Variants in MAPK4 observed in about 807,000 individuals in gnomAD.
MAPK4 encodes the protein mitogen-activated protein kinase 4, also known as Erk3-related.
MAPK4 carries 22 observed loss-of-function variants against 47.7 expected under a neutral mutation model. The ratio of observed to expected loss-of-function variants is 0.46; its 90% CI spans 0.33 to 0.66. MAPK4 has a LOEUF of 0.66. MAPK4 is among the 30% of genes least tolerant of loss of function. The pLI is 0.02. For missense variants in MAPK4, 736 were observed against 831.7 expected (o/e 0.88, Z 1.42); for synonymous variants, 390 against 365.7 (o/e 1.07, Z -0.76).
chr18:50,574,670 ACT>A (rs2042279428), intron 1 of MAPK4, among the ~76,000 whole-genome samples: 1 of 152,296 alleles, frequency 6.6e-6, no homozygotes, highest in South Asian at 2.1e-4. Flanking sequence ...GAGTTTTAAA[ACT>A]CTCAAAAAGA....
intron 2 of MAPK4, among the ~76,000 whole-genome samples, chr18:50,691,409 G>GTGAA (rs558279846): frequency 2.4e-4 from 37 of 151,298 alleles, no homozygotes; most frequent in Admixed American, 4.6e-4. Flanking sequence ...CCAAAGAGGT[G>GTGAA]GGAACAAGAG....
chr18:50,692,436 T>A (rs911072412), intron 2 of MAPK4, among the ~76,000 whole-genome samples: 5 of 152,154 alleles, frequency 3.3e-5, no homozygotes, highest in African/African-American at 4.8e-5. Flanking sequence ...GGGGAAATAA[T>A]GCTGGACAGT....
intron 2 of MAPK4, chr18:50,704,756 T>C: frequency 2.5e-6 from 1 of 398,600 alleles, no homozygotes; most frequent in Non-Finnish European, 4.4e-6. Context: ...GTTGTGTCGT[T>C]ACCCTCCCTG....
chr18:50,681,534 C>T (rs1024632950), intron 2 of MAPK4, among the ~76,000 whole-genome samples: 44 of 152,234 alleles, frequency 2.9e-4, no homozygotes, highest in African/African-American at 8.7e-4. Context: ...ATGATTTCTT[C>T]AATTTTTGTA....
chr18:50,590,474 C>A (rs747053618), intron 1 of MAPK4, among the ~76,000 whole-genome samples: 5 of 152,198 alleles, frequency 3.3e-5, no homozygotes, highest in Admixed American at 6.5e-5. Context: ...ACTTCCATGA[C>A]TGGAAGCACT....
chr18:50,693,850 C>G (rs1598919724), intron 2 of MAPK4, among the ~76,000 whole-genome samples: 1 of 151,998 alleles, frequency 6.6e-6, no homozygotes, highest in East Asian at 1.9e-4. Flanking sequence ...AGTGGTAGAT[C>G]TGGGCTTGAC....
chr18:50,616,057 G>T lies in MAPK4; in HGVS notation c.-870-47032G>T, dbSNP rs1271216608. Among the ~76,000 whole-genome samples the T allele has an allele frequency of 2.0e-5, 3 of 152,230 alleles. No individual in the cohort carries two copies. In the East Asian group the frequency reaches 5.8e-4, roughly 29 times the overall value. On this transcript the variant is annotated intron_variant, in intron 1 of 5. Transcript: ENST00000400384. ...TTCCAGGGGACCTTAGGATTCCTCA[G>T]TGTCACTTCAGGTGTCGGGGACTGG...
intron 1 of MAPK4, among the ~76,000 whole-genome samples, chr18:50,630,546 G>A (rs754739999): frequency 7.2e-5 from 11 of 152,236 alleles, no homozygotes; most frequent in Middle Eastern, 6.8e-3. Context: ...GGGCATCCAG[G>A]AGTACCCAGG....
chr18:50,625,077 G>T (rs1396637628), intron 1 of MAPK4, among the ~76,000 whole-genome samples: 1 of 152,210 alleles, frequency 6.6e-6, no homozygotes, highest in Non-Finnish European at 1.5e-5. Flanking sequence ...AGACATCCTT[G>T]ATGACTGGCA....
At chr18:50,693,165 A>G (rs1352182158) in intron 2 of MAPK4, among the ~76,000 whole-genome samples, 1 of 152,158 alleles carries the variant, frequency 6.6e-6, no homozygotes, top group East Asian at 1.9e-4. Context: ...AGGCTGAGGC[A>G]AGAGAATCAC....
chr18:50,632,233 C>T (rs991145331), intron 1 of MAPK4, among the ~76,000 whole-genome samples: 4 of 152,190 alleles, frequency 2.6e-5, no homozygotes, highest in Non-Finnish European at 4.4e-5. Flanking sequence ...CCACGTATTT[C>T]TCTCCAAATT....
In MAPK4 at chr18:50,674,850, G is replaced by A. The variant is rs1041096778; in HGVS notation, c.546+10346G>A. On this transcript the variant is annotated intron_variant, in intron 2 of 5. Coordinates refer to ENST00000400384, the MANE Select transcript of MAPK4 (RefSeq NM_002747.4). ...GCATAGTATCTGATCCATTGTATGA[G>A]TTCATTCAATGCTAATTGGCTAATG... 2.0e-5 allele frequency among the ~76,000 whole-genome samples: 3 copies of A among 152,146 alleles called. No individual in the cohort carries two copies. In the South Asian group the frequency reaches 6.2e-4, roughly 32 times the overall value.
intron 2 of MAPK4, among the ~76,000 whole-genome samples, chr18:50,712,032 C>T (rs1443391095): frequency 6.6e-6 from 1 of 152,110 alleles, no homozygotes; most frequent in Non-Finnish European, 1.5e-5. Flanking sequence ...CCATATATTC[C>T]CATCTCCCCT....
chr18:50,684,934 G>A (rs1251270024), intron 2 of MAPK4, among the ~76,000 whole-genome samples: 1 of 152,152 alleles, frequency 6.6e-6, no homozygotes, highest in Non-Finnish European at 1.5e-5. Context: ...GGTGGCACCG[G>A]GCCCCATCTT....
At chr18:50,702,136 TG>T (rs1166410758) in intron 2 of MAPK4, among the ~76,000 whole-genome samples, 1 of 115,704 alleles carries the variant, frequency 8.6e-6, no homozygotes, top group Non-Finnish European at 1.6e-5. Flanking sequence ...CACTCCAGCC[TG>T]GGTGATGGAG....
chr18:50,729,653 G>A lies in MAPK4; in HGVS notation c.1563G>A (p.Ser521=), dbSNP rs1911434172. 2.0e-6 allele frequency: 3 copies of A among 1,509,908 alleles called. No homozygotes were observed. The allele number at this position is 1,509,908 out of a possible 1,614,324, so 93.5% of individuals were successfully genotyped here. The part of the protein sequence containing the change: ...ADDPERRLSA[S]PPGRPAPVDG... ...ACCCCGAGCGCCGCTTGTCTGCCTC[G>A]CCCCCCGGCCGCCCGGCCCCGGTGG... is the stretch of plus-strand genomic sequence containing the variant. The change falls in exon 6 of 6, where the codon TCG becomes TCA. Residue 521 remains serine (S), a synonymous_variant. Transcript: ENST00000400384.
intron 1 of MAPK4, among the ~76,000 whole-genome samples, chr18:50,623,538 C>G (rs951673661): frequency 3.9e-5 from 6 of 152,192 alleles, no homozygotes; most frequent in African/African-American, 1.2e-4. Flanking sequence ...CATCTCGCAT[C>G]CCTCTGAACC....
At chr18:50,586,632 A>G (rs542465119) in intron 1 of MAPK4, among the ~76,000 whole-genome samples, 2 of 152,244 alleles carry the variant, frequency 1.3e-5, no homozygotes, top group East Asian at 1.9e-4. Context: ...GATAATCCAT[A>G]TAAAACACTT....
Position 50,727,092 on chromosome 18 carries a change from G to A in MAPK4, c.1067+917G>A, listed in dbSNP as rs189562020. Among the ~76,000 whole-genome samples, 9 of 152,342 alleles carry A rather than the reference G, an allele frequency of 5.9e-5. No individual in the cohort carries two copies. In the East Asian group the frequency reaches 9.6e-4, roughly 16 times the overall value. On this transcript the variant is annotated intron_variant, in intron 5 of 5. Coordinates refer to ENST00000400384, the MANE Select transcript of MAPK4 (RefSeq NM_002747.4). ...TGGAAGCCACTACCAATGAATCAGC[G>A]TTGGGTAGAAGATGTATTTTTAAAC...
Sources: allele counts gnomAD v4.1 joint callset (sites outside exome capture counted in the v4.1 genomes callset), GRCh38; gene constraint gnomAD v4.1.1; transcripts MANE v1.5; gene names NCBI Gene and HGNC (gene_info 2026-07-23, HGNC 2026-07-21).